The following KDM6A variants were observed in gnomAD, a reference collection of about 807,000 sequenced individuals.
KDM6A encodes lysine-specific demethylase 6A.
In KDM6A, 11 loss-of-function variants were observed where a neutral mutation model predicts 117.6. The observed-to-expected ratio is 0.09, with a 90% CI of 0.06 to 0.15. The LOEUF (loss-of-function observed/expected upper bound fraction) is 0.15, where lower values mean the gene tolerates loss of function less well. Ranked by LOEUF, KDM6A falls within the 10% of genes least tolerant of loss-of-function variation. The pLI is 1.00. For missense variants in KDM6A, 799 were observed against 1,077.3 expected (o/e 0.74, Z 3.62); for synonymous variants, 384 against 396.1 (o/e 0.97, Z 0.36).
At chrX:45,109,126 AAATAAT>A (rs1211843239) in intron 28 of KDM6A, among the ~76,000 whole-genome samples, 1 of 104,156 alleles carries the variant, frequency 9.6e-6, no homozygotes, top group African/African-American at 3.5e-5. Flanking sequence ...TAATTTAAAA[AAATAAT>A]AATAATAATA....
At chrX:44,905,219 A>G (rs2034579506) in intron 2 of KDM6A, among the ~76,000 whole-genome samples, 2 of 112,544 alleles carry the variant, frequency 1.8e-5, no homozygotes, top group African/African-American at 6.5e-5. Flanking sequence ...CAGTACCAGC[A>G]CTACCATGAG....
chrX:45,029,150 T>C (rs1226146632), intron 6 of KDM6A, among the ~76,000 whole-genome samples: 3 of 111,931 alleles, frequency 2.7e-5, no homozygotes, highest in Non-Finnish European at 3.8e-5. Flanking sequence ...AAAAAGGTTG[T>C]GTGGCTGGGC....
chrX:45,008,337 G>A (rs901226982), intron 4 of KDM6A, among the ~76,000 whole-genome samples: 1 of 111,007 alleles, frequency 9.0e-6, no homozygotes, highest in Non-Finnish European at 1.9e-5. Context: ...TCGCACCACT[G>A]CACTCCAGCC....
In KDM6A at chrX:45,101,172, G is replaced by T. The variant is rs939852070; in HGVS notation, c.4035-6238G>T. Among the ~76,000 whole-genome samples, 16 of 111,527 alleles carry T rather than the reference G, an allele frequency of 1.4e-4. No individual in the cohort carries two copies. The South Asian group carries it at 2.2e-3, about 16-fold the overall frequency. Reference sequence around the variant, plus strand: ...AAGATATTACAGGAAGGGCAGCATTGTGTAGTTTCTGGAATCCAATCTGCC... The same window carrying T: ...AAGATATTACAGGAAGGGCAGCATTTTGTAGTTTCTGGAATCCAATCTGCC... On this transcript the variant is annotated intron_variant, in intron 27 of 29. Coordinates refer to ENST00000611820, the MANE Select transcript of KDM6A (RefSeq NM_001291415.2).
chrX:45,005,258 T>G (rs1279415758), intron 4 of KDM6A, among the ~76,000 whole-genome samples: 1 of 110,414 alleles, frequency 9.1e-6, no homozygotes, highest in East Asian at 2.9e-4. Flanking sequence ...GAATGGGATC[T>G]GAGGAGGCAG....
At chrX:45,062,859 T>C in intron 16 of KDM6A, 111 bp downstream of exon 16, 2 of 518,474 alleles carry the variant, frequency 3.9e-6, no homozygotes, top group Admixed American at 2.9e-5. Flanking sequence ...TACTGGTATT[T>C]GACAGAATTT....
rs183823240 is a variant in KDM6A at position 45,107,979 on chromosome X, A to G, written c.4161+443A>G. Among the ~76,000 whole-genome samples, 40 of 111,825 alleles carry G rather than the reference A, an allele frequency of 3.6e-4. No homozygotes were observed. In the East Asian group the frequency reaches 3.7e-3, roughly 10 times the overall value. On this transcript the variant is annotated intron_variant, in intron 28 of 29. Coordinates refer to ENST00000611820, the MANE Select transcript of KDM6A (RefSeq NM_001291415.2). ...CAGGAACAAAGATGTGGTGCCTCCTATGAAGGAGCTTAAATTCTACTTGGA... is the reference window on the plus strand; with the variant it reads ...CAGGAACAAAGATGTGGTGCCTCCTGTGAAGGAGCTTAAATTCTACTTGGA...
chrX:45,086,047 C>A, intron 25 of KDM6A, 68 bp downstream of exon 25: 1 of 603,756 alleles, frequency 1.7e-6, no homozygotes, highest in South Asian at 2.3e-5. Flanking sequence ...GACAACTTAC[C>A]AAGCTGGATC....
At chrX:45,106,226 G>T (rs1422139968) in intron 27 of KDM6A, among the ~76,000 whole-genome samples, 1 of 111,680 alleles carries the variant, frequency 9.0e-6, no homozygotes, top group East Asian at 2.8e-4. Flanking sequence ...TTTTATATTT[G>T]TTAAGTAAGC....
At chrX:44,954,812 T>G (rs1216881205) in intron 2 of KDM6A, among the ~76,000 whole-genome samples, 2 of 111,274 alleles carry the variant, frequency 1.8e-5, no homozygotes, top group Non-Finnish European at 3.8e-5. Context: ...GTTTAGGGTA[T>G]GAGTTGGGCT....
rs20539 is a variant in KDM6A, at chrX:45,079,318, G to A, written c.3267G>A (p.Gln1089=). Residue 1089 remains glutamine, a synonymous_variant, in exon 21 of 30, where the codon CAG becomes CAA. Transcript: ENST00000611820. The part of the protein sequence containing the change: ...RSHTTIAKYA[Q]YQASSFQESL... ...ATACTACAATTGCTAAATATGCACA[G>A]TACCAGGCCTCCTCATTCCAGGAAT... 234,979 of 1,189,505 alleles carry A rather than the reference G, an allele frequency of 0.2. 18,401 individuals are homozygous for A. Among genetic ancestry groups the A allele is most frequent in the Admixed American group, 0.48 (21,596 of 45,424 alleles).
At chrX:44,920,427 T>G (rs2035840134) in intron 2 of KDM6A, among the ~76,000 whole-genome samples, 1 of 110,452 alleles carries the variant, frequency 9.1e-6, no homozygotes, top group Admixed American at 9.6e-5. Flanking sequence ...ATAATATATC[T>G]TTTTACTTTT....
chrX:44,876,474 G>A (rs1021759310), intron 2 of KDM6A, among the ~76,000 whole-genome samples: 1 of 110,121 alleles, frequency 9.1e-6, no homozygotes, highest in Non-Finnish European at 1.9e-5. Flanking sequence ...AGCTATGTTG[G>A]TTTCAGAATT....
intron 2 of KDM6A, among the ~76,000 whole-genome samples, chrX:44,889,045 T>C (rs2033128319): frequency 1.8e-5 from 2 of 112,015 alleles, no homozygotes; most frequent in Non-Finnish European, 3.8e-5. Context: ...TGATGGAGTC[T>C]TGCTCTGTTG....
rs772592431 is a variant in KDM6A, at chrX:44,928,336, T to A, written c.226-32948T>A. 3.6e-5 allele frequency among the ~76,000 whole-genome samples: 4 copies of A among 111,916 alleles called. No homozygotes were observed. In the South Asian group the frequency reaches 1.5e-3, roughly 41 times the overall value. ...GAGTGTGTGCACACATGTGGCAAAA[T>A]GTTAACAATTGGTGAATCTAGTGTA... On this transcript the variant is annotated intron_variant, in intron 2 of 29. Coordinates refer to ENST00000611820, the MANE Select transcript of KDM6A (RefSeq NM_001291415.2).
intron 27 of KDM6A, among the ~76,000 whole-genome samples, chrX:45,101,024 A>G (rs777129011): frequency 1.8e-5 from 2 of 110,867 alleles, no homozygotes; most frequent in South Asian, 7.6e-4. Flanking sequence ...TATATGCACA[A>G]TGTTAATGTT....
chrX:44,890,642 CTTTTTTTTTTTTTTT>C (rs761568154), intron 2 of KDM6A, among the ~76,000 whole-genome samples: 1 of 34,764 alleles, frequency 2.9e-5, no homozygotes, highest in African/African-American at 1.3e-4. Context: ...TGATGTTGAA[CTTTTTTTTTTTTTTT>C]TTTTTTTTTT....
intron 23 of KDM6A, among the ~76,000 whole-genome samples, chrX:45,083,093 A>AT (rs1282363874): frequency 5.5e-4 from 58 of 105,833 alleles, no homozygotes; most frequent in African/African-American, 1.9e-3. Context: ...ACCCTGCCAA[A>AT]TTTTTTTTTT....
intron 2 of KDM6A, among the ~76,000 whole-genome samples, chrX:44,958,891 C>T (rs1290378919): frequency 4.5e-5 from 5 of 110,784 alleles, no homozygotes. Context: ...TATCATTAGC[C>T]TTTTGAGTAA....
Sources: allele counts gnomAD v4.1 joint callset (sites outside exome capture counted in the v4.1 genomes callset), GRCh38; gene constraint gnomAD v4.1.1; transcripts MANE v1.5; gene names NCBI Gene and HGNC (gene_info 2026-07-23, HGNC 2026-07-21).